AHI1: variants seen among roughly 807,000 people sequenced by gnomAD.
The protein encoded by AHI1 is Abelson helper integration site 1, also known as jouberin.
Under a neutral mutation model 149.3 loss-of-function variants are expected in AHI1, and 123 were observed. The observed-to-expected ratio is 0.82, with a 90% confidence interval of 0.71 to 0.96. The LOEUF (loss-of-function observed/expected upper bound fraction) is 0.96. AHI1 is among the 40% of genes least tolerant of loss of function. The pLI is 0.00. For missense variants in AHI1, 1,439 were observed against 1,422.7 expected, an observed-to-expected ratio of 1.01 and a Z score of -0.18; for synonymous variants, 475 against 459.8, an observed-to-expected ratio of 1.03 and a Z score of -0.42.
At chr6:135,301,026 GTA>G (rs1783812306) in intron 26 of AHI1, 50 of 984,514 alleles carry the variant, frequency 5.1e-5, no homozygotes, top group Non-Finnish European at 5.8e-5. Flanking sequence ...AATGTGTTCA[GTA>G]TATCTTGTTT....
At chr6:135,395,511 T>C (rs1023194924) in intron 22 of AHI1, among the ~76,000 whole-genome samples, 11 of 151,942 alleles carry the variant, frequency 7.2e-5, no homozygotes, top group Non-Finnish European at 1.6e-4. Flanking sequence ...AGTATGATTA[T>C]CTGAGTGCAC....
intron 11 of AHI1, among the ~76,000 whole-genome samples, chr6:135,450,646 C>T (rs973718214): frequency 5.9e-5 from 9 of 152,282 alleles, no homozygotes; most frequent in African/African-American, 2.2e-4. Context: ...AAAAGATATT[C>T]CCCAGCTTCT....
intron 23 of AHI1, among the ~76,000 whole-genome samples, chr6:135,389,932 C>T (rs1778230089): frequency 1.3e-5 from 2 of 152,164 alleles, no homozygotes; most frequent in African/African-American, 4.8e-5. Flanking sequence ...GCTTGTCCAA[C>T]CCATGGGCCA....
intron 24 of AHI1, among the ~76,000 whole-genome samples, chr6:135,326,654 G>A (rs1402517649): frequency 2.0e-5 from 3 of 151,754 alleles, no homozygotes; most frequent in Admixed American, 2.0e-4. Context: ...TCTGCCTCCC[G>A]GGTTCAAGCT....
intron 27 of AHI1, chr6:135,297,489 T>C (rs542634469): frequency 5.5e-5 from 25 of 456,182 alleles, no homozygotes; most frequent in Non-Finnish European, 9.3e-5. Flanking sequence ...CATTCAGCTC[T>C]CTTCTGTAAT....
intron 5 of AHI1, among the ~76,000 whole-genome samples, chr6:135,487,331 G>A (rs552079346): frequency 1.8e-4 from 28 of 152,110 alleles, no homozygotes; most frequent in Non-Finnish European, 2.6e-4. Context: ...TAATGGTTAC[G>A]TGACTTTTTC....
intron 23 of AHI1, among the ~76,000 whole-genome samples, chr6:135,359,035 T>C (rs1305617653): frequency 2.0e-5 from 3 of 152,246 alleles, no homozygotes; most frequent in Admixed American, 6.5e-5. Context: ...CAATGTCTGT[T>C]AATAGCAATT....
intron 25 of AHI1, among the ~76,000 whole-genome samples, chr6:135,322,208 C>T (rs1179308601): frequency 6.6e-6 from 1 of 152,108 alleles, no homozygotes; most frequent in African/African-American, 2.4e-5. Flanking sequence ...GTAACTGGGG[C>T]GTATGAGTGT....
intron 20 of AHI1, among the ~76,000 whole-genome samples, chr6:135,414,864 A>G (rs367861941): frequency 2.0e-5 from 3 of 151,550 alleles, no homozygotes; most frequent in Admixed American, 6.6e-5. Flanking sequence ...TGCACAATGT[A>G]CAGGTTAGTT....
At position 135,284,806 on chromosome 6, in the gene AHI1, A is replaced by G. The variant is rs1781518468; in HGVS notation, c.*839T>C. The G allele has an allele frequency of 6.6e-6, 1 of 152,198 alleles. No individual in the cohort carries two copies. The highest frequency in any genetic ancestry group is 1.9e-4 in the East Asian group (1 of 5,196). The allele number at this position is 152,198 out of a possible 1,614,324, so 9.4% of individuals were successfully genotyped here. Reference sequence around the variant, plus strand: ...TCTTAAGAAACACAAAATTTTAATTAGAAAGTAAATTGTTTTCTTTTAATG... The same window carrying G: ...TCTTAAGAAACACAAAATTTTAATTGGAAAGTAAATTGTTTTCTTTTAATG... On this transcript the variant is annotated 3_prime_UTR_variant, in exon 29 of 29. Transcript: ENST00000265602.
At chr6:135,386,342 G>A (rs556224974) in intron 23 of AHI1, among the ~76,000 whole-genome samples, 3 of 149,640 alleles carry the variant, frequency 2.0e-5, no homozygotes, top group South Asian at 4.2e-4. Context: ...ACGGAGTCTC[G>A]CTCTTCCGCC....
At chr6:135,342,966 G>C (rs181845791) in intron 24 of AHI1, among the ~76,000 whole-genome samples, 16 of 151,020 alleles carry the variant, frequency 1.1e-4, no homozygotes, top group African/African-American at 3.6e-4. Flanking sequence ...AAGGCACCCG[G>C]ATCGGAAAGG....
intron 10 of AHI1, among the ~76,000 whole-genome samples, chr6:135,455,262 C>T (rs974167188): frequency 2.6e-5 from 4 of 152,110 alleles, no homozygotes; most frequent in African/African-American, 9.7e-5. Flanking sequence ...TCCACTGACC[C>T]GCCACTAACC....
chr6:135,427,319 G>C lies in AHI1; in HGVS notation c.2624-12C>G. 6.2e-7 allele frequency: 1 copy of C among 1,603,588 alleles called. No homozygotes were observed. The highest frequency in any genetic ancestry group is 8.5e-7 in the Non-Finnish European group (1 of 1,173,798). The stretch of plus-strand genomic sequence containing the variant: ...GGCTACTTGTTCTCCTAAATAAAAA[G>C]AGAGATTCAAAAATGTATATCAGAG... On this transcript the variant is annotated splice_polypyrimidine_tract_variant and intron_variant, in intron 19 of 28. Coordinates refer to ENST00000265602, the MANE Select transcript of AHI1 (RefSeq NM_001134831.2).
At chr6:135,292,109 TACAC>T (rs10646107) in intron 27 of AHI1, among the ~76,000 whole-genome samples, 216 of 148,320 alleles carry the variant, frequency 1.5e-3, no homozygotes, top group African/African-American at 4.3e-3. Flanking sequence ...GGCAGCTAAT[TACAC>T]ACACACACAC....
chr6:135,328,010 C>A (rs1787965614), intron 24 of AHI1, among the ~76,000 whole-genome samples: 1 of 152,010 alleles, frequency 6.6e-6, no homozygotes, highest in African/African-American at 2.4e-5. Context: ...ATTAAGTGAA[C>A]TGGAAGAGGG....
At chr6:135,447,399 T>G (rs1263828686) in intron 12 of AHI1, among the ~76,000 whole-genome samples, 1 of 152,066 alleles carries the variant, frequency 6.6e-6, no homozygotes, top group Non-Finnish European at 1.5e-5. Context: ...ACCACAAAGG[T>G]CACATGAAAT....
At chr6:135,377,108 GTTTA>G (rs1025200767) in intron 23 of AHI1, among the ~76,000 whole-genome samples, 4 of 151,928 alleles carry the variant, frequency 2.6e-5, no homozygotes, top group African/African-American at 7.3e-5. Context: ...AATACGAACT[GTTTA>G]TTAGATTAGA....
At chr6:135,320,867 C>T (rs577307972) in intron 25 of AHI1, among the ~76,000 whole-genome samples, 1 of 152,288 alleles carries the variant, frequency 6.6e-6, no homozygotes, top group South Asian at 2.1e-4. Flanking sequence ...AGAAGCTACT[C>T]CTGTTTAACC....
Sources: gnomAD v4.1 joint callset for allele counts (sites outside exome capture counted in the v4.1 genomes callset) on GRCh38, gnomAD v4.1.1 for gene constraint, MANE v1.5 for transcripts, NCBI Gene and HGNC (gene_info 2026-07-23, HGNC 2026-07-21) for gene names.